Variants in GRIK2 observed in about 807,000 individuals in gnomAD.
The protein encoded by GRIK2 is glutamate receptor ionotropic, kainate 2.
Under a neutral mutation model 100.3 loss-of-function variants are expected in GRIK2, and 32 were observed. That is an observed-to-expected ratio of 0.32 (90% CI 0.24 to 0.43). The LOEUF (loss-of-function observed/expected upper bound fraction) is 0.43. Ranked by LOEUF, GRIK2 falls within the 20% of genes least tolerant of loss-of-function variation. The probability of loss-of-function intolerance (pLI) is 1.00; values close to 1 mark genes in which losing one functional copy is unlikely to be tolerated. For missense variants in GRIK2, 843 were observed against 1,114.9 expected (o/e 0.76, Z 3.47); for synonymous variants, 417 against 389.4 (o/e 1.07, Z -0.83).
At chr6:101,753,022 C>T (rs537499134) in intron 7 of GRIK2, among the ~76,000 whole-genome samples, 4 of 152,144 alleles carry the variant, frequency 2.6e-5, no homozygotes, top group Non-Finnish European at 4.4e-5. Flanking sequence ...GGGCTGGGCG[C>T]GGTGGCTCAC....
At chr6:101,945,171 A>AT (rs199605666) in intron 14 of GRIK2, among the ~76,000 whole-genome samples, 1,717 of 151,432 alleles carry the variant, frequency 0.011, 30 homozygotes, top group African/African-American at 0.036. Context: ...ATTTTAACTG[A>AT]TTTTTTTTTA....
At chr6:101,856,814 G>A (rs1270198095) in intron 10 of GRIK2, among the ~76,000 whole-genome samples, 1 of 152,122 alleles carries the variant, frequency 6.6e-6, no homozygotes, top group Non-Finnish European at 1.5e-5. Flanking sequence ...TGACCATGCG[G>A]AAGAGAGACT....
intron 4 of GRIK2, among the ~76,000 whole-genome samples, chr6:101,652,752 T>C (rs1280383216): frequency 1.3e-5 from 2 of 152,160 alleles, no homozygotes; most frequent in Non-Finnish European, 2.9e-5. Context: ...GGAAATGTTA[T>C]TTTTTATAGC....
At chr6:101,588,881 G>C (rs535812751) in intron 2 of GRIK2, among the ~76,000 whole-genome samples, 1 of 151,854 alleles carries the variant, frequency 6.6e-6, no homozygotes, top group South Asian at 2.1e-4. Context: ...AACAATACGT[G>C]GAAAAGACAT....
At chr6:101,704,320 G>T (rs1025224554) in intron 7 of GRIK2, among the ~76,000 whole-genome samples, 1 of 151,760 alleles carries the variant, frequency 6.6e-6, no homozygotes, top group African/African-American at 2.4e-5. Context: ...TGAGGTGCTG[G>T]ACAGTGAAAA....
At chr6:101,948,067 A>C (rs1304752630) in intron 14 of GRIK2, among the ~76,000 whole-genome samples, 1 of 152,098 alleles carries the variant, frequency 6.6e-6, no homozygotes, top group Non-Finnish European at 1.5e-5. Flanking sequence ...TTGAATTTAC[A>C]CTTATTTTAT....
rs576165842 is a variant in GRIK2 at position 101,620,464 on chromosome 6, A to G, written c.116-1485A>G. On this transcript the variant is annotated intron_variant, in intron 2 of 16. Transcript: ENST00000369134. ...AATAATATTTTTTATCTTGTTCCTG[A>G]ATGTAAATTTGCCTCACCCCTCTAG... 2.0e-5 allele frequency among the ~76,000 whole-genome samples: 3 copies of G among 152,240 alleles called. No individual in the cohort carries two copies. In the East Asian group the frequency reaches 5.8e-4, roughly 29 times the overall value.
chr6:101,564,843 A>G (rs1296943375), intron 2 of GRIK2, among the ~76,000 whole-genome samples: 1 of 152,122 alleles, frequency 6.6e-6, no homozygotes, highest in African/African-American at 2.4e-5. Context: ...GAACATGTGT[A>G]TGGGACAATA....
At chr6:101,616,316 AC>A (rs1779893356) in intron 2 of GRIK2, among the ~76,000 whole-genome samples, 1 of 151,846 alleles carries the variant, frequency 6.6e-6, no homozygotes, top group Non-Finnish European at 1.5e-5. Context: ...AACAAGATTA[AC>A]ATATTTCCAT....
intron 7 of GRIK2, chr6:101,745,139 C>G (rs747771445): frequency 7.9e-5 from 12 of 152,096 alleles, no homozygotes; most frequent in Non-Finnish European, 1.3e-4. Flanking sequence ...ATGATCTTAA[C>G]ATTCTTCATG....
At chr6:101,971,015 T>C (rs9498770) in intron 14 of GRIK2, among the ~76,000 whole-genome samples, 2,604 of 150,990 alleles carry the variant, frequency 0.017, 238 homozygotes, top group African/African-American at 0.062. Context: ...GGCAGATGAT[T>C]TCCATAGTAT....
chr6:101,719,817 C>T (rs1774349738), intron 7 of GRIK2, among the ~76,000 whole-genome samples: 1 of 151,892 alleles, frequency 6.6e-6, no homozygotes, highest in Non-Finnish European at 1.5e-5. Flanking sequence ...ATTTAATAGT[C>T]CATTGACTCT....
intron 7 of GRIK2, among the ~76,000 whole-genome samples, chr6:101,755,388 T>C (rs1045352667): frequency 2.0e-5 from 3 of 151,974 alleles, no homozygotes; most frequent in Non-Finnish European, 4.4e-5. Flanking sequence ...AGGATGGTCT[T>C]GATCTCCTGA....
At chr6:101,523,193 T>A (rs1283339612) in intron 2 of GRIK2, among the ~76,000 whole-genome samples, 1 of 152,152 alleles carries the variant, frequency 6.6e-6, no homozygotes, top group East Asian at 1.9e-4. Context: ...AGAGAAAACT[T>A]CGACTTTTGG....
chr6:101,973,746 A>G (rs1243596701), intron 14 of GRIK2, among the ~76,000 whole-genome samples: 4 of 152,076 alleles, frequency 2.6e-5, no homozygotes, highest in Non-Finnish European at 5.9e-5. Flanking sequence ...AGTGTTACTC[A>G]AAGTTCATTC....
chr6:101,915,911 G>T (rs1388058574), intron 12 of GRIK2, among the ~76,000 whole-genome samples: 1 of 151,100 alleles, frequency 6.6e-6, no homozygotes, highest in Non-Finnish European at 1.5e-5. Context: ...CCTTTAATTT[G>T]ATTTATTTCA....
intron 2 of GRIK2, among the ~76,000 whole-genome samples, chr6:101,444,327 T>C (rs971473212): frequency 6.6e-6 from 1 of 152,106 alleles, no homozygotes; most frequent in African/African-American, 2.4e-5. Flanking sequence ...TATTTATTCA[T>C]ATAGCTATTA....
chr6:101,778,064 T>G (rs770323363), intron 7 of GRIK2, among the ~76,000 whole-genome samples: 2 of 152,232 alleles, frequency 1.3e-5, no homozygotes, highest in Non-Finnish European at 2.9e-5. Flanking sequence ...AAAGTACTTT[T>G]ATACACTTAC....
At chr6:101,927,859 C>T (rs1227847634) in intron 13 of GRIK2, 1 of 152,988 alleles carries the variant, frequency 6.5e-6, no homozygotes. Flanking sequence ...TTAAAATAAA[C>T]ATTACACTAA....
Sources: allele counts gnomAD v4.1 joint callset (sites outside exome capture counted in the v4.1 genomes callset), GRCh38; gene constraint gnomAD v4.1.1; transcripts MANE v1.5; gene names NCBI Gene and HGNC (gene_info 2026-07-23, HGNC 2026-07-21).